Variants in GMDS observed in about 807,000 individuals in gnomAD.
The protein encoded by GMDS is GDP-mannose 4,6 dehydratase.
In GMDS, 20 loss-of-function variants were observed where a neutral mutation model predicts 49.9. The ratio of observed to expected loss-of-function variants is 0.40; its 90% CI spans 0.28 to 0.58. The LOEUF (loss-of-function observed/expected upper bound fraction) is 0.58, where lower values mean the gene tolerates loss of function less well. GMDS is among the 20% of genes least tolerant of loss of function. GMDS has a pLI of 0.42. For synonymous variants in GMDS, 177 were observed against 178.6 expected (o/e 0.99, Z 0.07); for missense variants, 362 against 481.4 (o/e 0.75, Z 2.32).
At chr6:2,033,087 T>C (rs1769069278) in intron 4 of GMDS, among the ~76,000 whole-genome samples, 1 of 152,202 alleles carries the variant, frequency 6.6e-6, no homozygotes, top group African/African-American at 2.4e-5. Flanking sequence ...GAAAATGAAG[T>C]CTTTGCAATT....
intron 4 of GMDS, among the ~76,000 whole-genome samples, chr6:2,110,196 TC>T (rs1265900055): frequency 1.3e-5 from 2 of 150,984 alleles, no homozygotes; most frequent in East Asian, 2.0e-4. Flanking sequence ...CAACCGCCCT[TC>T]CCCCCCATAA....
At chr6:2,093,696 T>C (rs572283879) in intron 4 of GMDS, among the ~76,000 whole-genome samples, 1 of 152,138 alleles carries the variant, frequency 6.6e-6, no homozygotes, top group Admixed American at 6.5e-5. Context: ...AAAAATTAAA[T>C]TCTAAAAAAG....
chr6:1,963,742 G>C (rs932166802), intron 4 of GMDS, among the ~76,000 whole-genome samples: 1 of 152,116 alleles, frequency 6.6e-6, no homozygotes, highest in South Asian at 2.1e-4. Flanking sequence ...TTGGGAGAGC[G>C]GGTGTCAGGG....
chr6:2,060,040 C>G (rs1234371938), intron 4 of GMDS, among the ~76,000 whole-genome samples: 1 of 152,138 alleles, frequency 6.6e-6, no homozygotes, highest in South Asian at 2.1e-4. Flanking sequence ...AATAATAAAC[C>G]TCCCTCATTT....
chr6:1,932,089 G>A (rs1762313171), intron 6 of GMDS, among the ~76,000 whole-genome samples: 1 of 152,338 alleles, frequency 6.6e-6, no homozygotes. Context: ...CAGAAATGGA[G>A]CTTGAATGGA....
At chr6:2,203,722 C>T (rs1035163909) in intron 1 of GMDS, among the ~76,000 whole-genome samples, 2 of 152,156 alleles carry the variant, frequency 1.3e-5, no homozygotes, top group Admixed American at 6.5e-5. Context: ...AAGTAGTTTA[C>T]GCTGATTCCA....
intron 9 of GMDS, among the ~76,000 whole-genome samples, chr6:1,720,321 A>C (rs1766335883): frequency 6.6e-6 from 1 of 152,144 alleles, no homozygotes; most frequent in African/African-American, 2.4e-5. Flanking sequence ...AGTATGGAAA[A>C]CAAACAGTGG....
At chr6:1,658,330 G>A (rs367986628) in intron 9 of GMDS, among the ~76,000 whole-genome samples, 1 of 152,222 alleles carries the variant, frequency 6.6e-6, no homozygotes, top group Non-Finnish European at 1.5e-5. Context: ...TGCAATTTGC[G>A]AAGTCGCATT....
At chr6:1,641,929 C>G (rs1013217720) in intron 9 of GMDS, among the ~76,000 whole-genome samples, 7 of 152,166 alleles carry the variant, frequency 4.6e-5, no homozygotes, top group African/African-American at 1.2e-4. Flanking sequence ...TTGTCCCAAA[C>G]AGTGGAAGCA....
intron 4 of GMDS, among the ~76,000 whole-genome samples, chr6:2,044,635 T>C (rs546221932): frequency 4.6e-5 from 7 of 152,206 alleles, no homozygotes; most frequent in Non-Finnish European, 1.0e-4. Context: ...ACCTGGATGA[T>C]GAAATAATCC....
chr6:1,894,461 T>A (rs936636519), intron 7 of GMDS, among the ~76,000 whole-genome samples: 7 of 152,218 alleles, frequency 4.6e-5, no homozygotes, highest in Non-Finnish European at 1.0e-4. Context: ...TATTAAAACA[T>A]TTCATAATAT....
intron 1 of GMDS, among the ~76,000 whole-genome samples, chr6:2,199,766 C>T (rs1450006711): frequency 6.6e-6 from 1 of 152,136 alleles, no homozygotes; most frequent in Admixed American, 6.5e-5. Flanking sequence ...CAGTCTTCTT[C>T]ATTCAAGTAT....
At chr6:1,740,616 T>TA (rs577679638) in intron 8 of GMDS, among the ~76,000 whole-genome samples, 12 of 148,982 alleles carry the variant, frequency 8.1e-5, no homozygotes, top group Middle Eastern at 3.5e-3. Context: ...TTGAAAAGTA[T>TA]AAAAAAACCC....
At chr6:1,711,283 T>C (rs1581492824) in intron 9 of GMDS, among the ~76,000 whole-genome samples, 1 of 152,116 alleles carries the variant, frequency 6.6e-6, no homozygotes, top group African/African-American at 2.4e-5. Flanking sequence ...CCCTGCAGAG[T>C]CCTACGTTTC....
intron 8 of GMDS, among the ~76,000 whole-genome samples, chr6:1,736,322 A>C (rs1227968714): frequency 6.6e-6 from 1 of 152,166 alleles, no homozygotes; most frequent in East Asian, 1.9e-4. Context: ...TCCAGGAGGG[A>C]GGTAGAGAGA....
intron 1 of GMDS, among the ~76,000 whole-genome samples, chr6:2,220,204 G>C (rs1460573847): frequency 6.6e-6 from 1 of 152,170 alleles, no homozygotes; most frequent in Non-Finnish European, 1.5e-5. Flanking sequence ...TATCCCTAGA[G>C]GACTCAATTT....
intron 7 of GMDS, among the ~76,000 whole-genome samples, chr6:1,922,120 T>A (rs1374131031): frequency 1.3e-5 from 2 of 152,188 alleles, no homozygotes; most frequent in Admixed American, 1.3e-4. Context: ...AAGATTCTAA[T>A]AGAATAGGTT....
At chr6:2,069,045 C>G (rs1278382968) in intron 4 of GMDS, among the ~76,000 whole-genome samples, 1 of 152,182 alleles carries the variant, frequency 6.6e-6, no homozygotes, top group East Asian at 1.9e-4. Flanking sequence ...ACCAAAACAG[C>G]ATGGTACTGG....
intron 1 of GMDS, among the ~76,000 whole-genome samples, chr6:2,230,981 C>G (rs967185285): frequency 8.0e-6 from 1 of 125,340 alleles, no homozygotes; most frequent in Non-Finnish European, 1.6e-5. Flanking sequence ...CCAGGGTTGA[C>G]CAACTCACAA....
Sources: allele counts gnomAD v4.1 joint callset (sites outside exome capture counted in the v4.1 genomes callset), GRCh38; gene constraint gnomAD v4.1.1; transcripts MANE v1.5; gene names NCBI Gene and HGNC (gene_info 2026-07-23, HGNC 2026-07-21).